The following SRRM4 variants were observed in gnomAD, a reference collection of about 807,000 sequenced individuals.
SRRM4 encodes serine/arginine repetitive matrix protein 4.
Under a neutral mutation model 68.9 loss-of-function variants are expected in SRRM4, and 33 were observed. The ratio of observed to expected loss-of-function variants is 0.48; its 90% CI spans 0.36 to 0.64. SRRM4 has a LOEUF of 0.64. SRRM4 is among the 30% of genes least tolerant of loss of function. SRRM4 has a pLI of 0.00. For missense variants in SRRM4, 817 were observed against 827.1 expected (o/e 0.99, Z 0.15); for synonymous variants, 318 against 318.8 (o/e 1.00, Z 0.03).
intron 1 of SRRM4, among the ~76,000 whole-genome samples, chr12:119,057,184 T>C (rs533248871): frequency 6.6e-6 from 1 of 152,362 alleles, no homozygotes; most frequent in African/African-American, 2.4e-5. Context: ...TGGGTTTTTT[T>C]CTTCAATTTT....
At chr12:119,050,979 T>C (rs1477624553) in intron 1 of SRRM4, among the ~76,000 whole-genome samples, 1 of 152,144 alleles carries the variant, frequency 6.6e-6, no homozygotes, top group Non-Finnish European at 1.5e-5. Context: ...ATGTAGACCA[T>C]CTCTGTCATC....
intron 1 of SRRM4, among the ~76,000 whole-genome samples, chr12:119,094,958 T>C (rs912116291): frequency 8.5e-5 from 13 of 152,248 alleles, no homozygotes; most frequent in African/African-American, 3.1e-4. Flanking sequence ...TCCTTTCATT[T>C]TTTATTCAAT....
chr12:119,077,900 C>A (rs1953925942), intron 1 of SRRM4, among the ~76,000 whole-genome samples: 1 of 152,162 alleles, frequency 6.6e-6, no homozygotes, highest in African/African-American at 2.4e-5. Flanking sequence ...ATAAAGTGGA[C>A]CTTTTCCAGA....
chr12:118,997,536 C>A (rs1953356862), intron 1 of SRRM4, among the ~76,000 whole-genome samples: 1 of 152,202 alleles, frequency 6.6e-6, no homozygotes, highest in African/African-American at 2.4e-5. Context: ...CTTTGTGTTT[C>A]TTCATGATTC....
At chr12:119,130,538 C>T in intron 7 of SRRM4, 140 bp from the exon 8 acceptor site, 1 of 747,662 alleles carries the variant, frequency 1.3e-6, no homozygotes, top group Non-Finnish European at 2.1e-6. Context: ...TGCAGACATA[C>T]CTAGGAACAA....
At chr12:119,080,346 A>T (rs1320602980) in intron 1 of SRRM4, among the ~76,000 whole-genome samples, 1 of 107,868 alleles carries the variant, frequency 9.3e-6, no homozygotes, top group African/African-American at 3.1e-5. Context: ...TAATATAATT[A>T]TATAATTAAC....
In SRRM4 at chr12:119,156,620, G is replaced by A. The variant is rs760836379; in HGVS notation, c.1658G>A (p.Arg553Gln). 16 of 1,607,694 alleles carry A rather than the reference G, an allele frequency of 1.0e-5. No individual in the cohort carries two copies. Among genetic ancestry groups the A allele is most frequent in the Non-Finnish European group, 1.1e-5 (13 of 1,178,332 alleles). ...RSASRSYSRS[R>Q]SRSRSRRRSR... ...GCCAGCCGCAGCTACTCCCGGAGCC[G>A]GAGTCGGAGCCGGAGCCGGAGACGG... Residue 553 changes from arginine to glutamine, a missense_variant, in exon 13 of 13, where the codon CGG (arginine) becomes CAG (glutamine). By Grantham distance (43) the Arg-to-Gln change is conservative. Coordinates refer to ENST00000267260, the MANE Select transcript of SRRM4 (RefSeq NM_194286.4).
intron 7 of SRRM4, among the ~76,000 whole-genome samples, chr12:119,127,315 G>A (rs928257830): frequency 1.3e-5 from 2 of 152,134 alleles, no homozygotes; most frequent in East Asian, 1.9e-4. Flanking sequence ...GTGAGGAGCT[G>A]CTTTTTTCTT....
chr12:119,053,188 T>G (rs1425994691), intron 1 of SRRM4, among the ~76,000 whole-genome samples: 1 of 152,186 alleles, frequency 6.6e-6, no homozygotes, highest in Non-Finnish European at 1.5e-5. Context: ...TAGCAGTGTA[T>G]AGCTGGAATT....
intron 1 of SRRM4, among the ~76,000 whole-genome samples, chr12:119,083,393 A>G (rs7980820): frequency 0.89 from 135,657 of 152,020 alleles, 60,903 homozygotes; most frequent in Middle Eastern, 0.95. Flanking sequence ...ACACAAGGCA[A>G]GAATTACTGT....
Position 119,156,614 on chromosome 12 carries a change from G to A in SRRM4, c.1652G>A (p.Arg551Gln), listed in dbSNP as rs1480299881. 3.1e-6 allele frequency: 5 copies of A among 1,609,596 alleles called. No homozygotes were observed. In the South Asian group the frequency reaches 4.4e-5, roughly 14 times the overall value. ...CGCTCGGCCAGCCGCAGCTACTCCC[G>A]GAGCCGGAGTCGGAGCCGGAGCCGG... Reference protein sequence around the residue: ...SSRSASRSYSRSRSRSRSRRR... With the variant: ...SSRSASRSYSQSRSRSRSRRR... Residue 551 changes from arginine (R) to glutamine (Q), a missense_variant, in exon 13 of 13, where the codon CGG becomes CAG. Physicochemically the swap from Arg to Gln is conservative, Grantham distance 43. Transcript: ENST00000267260.
At chr12:119,136,248 T>C (rs954882096) in intron 8 of SRRM4, among the ~76,000 whole-genome samples, 5 of 152,182 alleles carry the variant, frequency 3.3e-5, no homozygotes, top group African/African-American at 1.2e-4. Flanking sequence ...CTTCCCCCTT[T>C]GTAGATAGGG....
intron 1 of SRRM4, among the ~76,000 whole-genome samples, chr12:119,101,945 G>T (rs552172823): frequency 6.6e-6 from 1 of 152,284 alleles, no homozygotes; most frequent in Non-Finnish European, 1.5e-5. Context: ...GTCTGATGTG[G>T]TGAAGGCATC....
intron 1 of SRRM4, among the ~76,000 whole-genome samples, chr12:118,991,144 G>T (rs1382408158): frequency 6.6e-6 from 1 of 152,102 alleles, no homozygotes; most frequent in African/African-American, 2.4e-5. Context: ...TCCCTGCCAT[G>T]GCCTCTAGCC....
intron 2 of SRRM4, among the ~76,000 whole-genome samples, chr12:119,106,728 A>C (rs1381933999): frequency 6.6e-6 from 1 of 152,156 alleles, no homozygotes; most frequent in Non-Finnish European, 1.5e-5. Flanking sequence ...ATGGGGTTTT[A>C]TAAATAGACA....
intron 1 of SRRM4, among the ~76,000 whole-genome samples, chr12:118,987,824 C>T (rs1953291977): frequency 6.6e-6 from 1 of 152,152 alleles, no homozygotes; most frequent in South Asian, 2.1e-4. Context: ...TAGTGAGGGC[C>T]TCAGAGTTTA....
intron 1 of SRRM4, among the ~76,000 whole-genome samples, chr12:119,069,217 C>T (rs1019121233): frequency 3.9e-5 from 6 of 152,138 alleles, no homozygotes; most frequent in Admixed American, 3.3e-4. Context: ...AGCATGTTAC[C>T]GGGGGTTCCT....
intron 1 of SRRM4, among the ~76,000 whole-genome samples, chr12:118,988,209 C>T (rs868677266): frequency 2.0e-5 from 3 of 151,936 alleles, no homozygotes; most frequent in South Asian, 2.1e-4. Context: ...TTTAGTTATC[C>T]GATCTGCAAA....
At chr12:119,153,769 C>T (rs1284014073) in intron 11 of SRRM4, 120 bp downstream of exon 11, 2 of 701,496 alleles carry the variant, frequency 2.9e-6, no homozygotes, top group East Asian at 2.7e-5. Flanking sequence ...GACCCTGACT[C>T]AGCATTCTTA....
Sources: allele counts gnomAD v4.1 joint callset (sites outside exome capture counted in the v4.1 genomes callset), GRCh38; gene constraint gnomAD v4.1.1; transcripts MANE v1.5; gene names NCBI Gene and HGNC (gene_info 2026-07-23, HGNC 2026-07-21).